The following CSMD1 variants were observed in gnomAD, a reference collection of about 807,000 sequenced individuals.
CSMD1 encodes the protein CUB and sushi domain-containing protein 1.
A neutral mutation model predicts 417.5 loss-of-function variants in CSMD1; 213 were observed. The ratio of observed to expected loss-of-function variants is 0.51; its 90% CI spans 0.46 to 0.57. CSMD1 has a LOEUF of 0.57. Among genes scored for constraint, CSMD1 ranks in the 20% least tolerant of loss-of-function variants. CSMD1 has a pLI of 0.00. For missense variants in CSMD1, 6,923 were observed against 4,529.7 expected (o/e 1.53, Z -15.17); for synonymous variants, 2,862 against 1,736.8 (o/e 1.65, Z -16.11).
At chr8:4,325,094 C>G (rs778947838) in intron 3 of CSMD1, among the ~76,000 whole-genome samples, 2 of 152,146 alleles carry the variant, frequency 1.3e-5, no homozygotes, top group South Asian at 2.1e-4. Flanking sequence ...AATCAGACAT[C>G]AGTAACCCAC....
intron 23 of CSMD1, among the ~76,000 whole-genome samples, chr8:3,330,851 T>G (rs1015835006): frequency 6.6e-6 from 1 of 152,248 alleles, no homozygotes; most frequent in Non-Finnish European, 1.5e-5. Context: ...TAGGATACTA[T>G]AGCAAAACTG....
At chr8:3,152,735 C>G (rs1048341195) in intron 39 of CSMD1, among the ~76,000 whole-genome samples, 18 of 152,170 alleles carry the variant, frequency 1.2e-4, no homozygotes, top group African/African-American at 4.3e-4. Context: ...AACTGTGTTG[C>G]TATTTAAAGT....
At chr8:4,940,221 G>A (rs1271392250) in intron 1 of CSMD1, among the ~76,000 whole-genome samples, 1 of 152,152 alleles carries the variant, frequency 6.6e-6, no homozygotes. Context: ...CCTAGTCAAA[G>A]CGTATTTGAG....
intron 5 of CSMD1, among the ~76,000 whole-genome samples, chr8:3,899,438 C>T (rs536644153): frequency 5.9e-5 from 9 of 152,150 alleles, no homozygotes; most frequent in Non-Finnish European, 7.4e-5. Flanking sequence ...AGGGATTGTA[C>T]GTGGGGAGAT....
intron 52 of CSMD1, among the ~76,000 whole-genome samples, chr8:3,002,020 G>C (rs1055201757): frequency 1.3e-5 from 2 of 152,192 alleles, no homozygotes; most frequent in African/African-American, 2.4e-5. Context: ...AGACAGAAGA[G>C]AATCTGATCT....
intron 3 of CSMD1, among the ~76,000 whole-genome samples, chr8:4,334,680 G>T (rs1800067383): frequency 6.6e-6 from 1 of 152,052 alleles, no homozygotes; most frequent in Non-Finnish European, 1.5e-5. Context: ...AATCCTCAAA[G>T]CCTATACTGC....
chr8:3,462,437 C>T (rs1816564035), intron 12 of CSMD1, among the ~76,000 whole-genome samples: 2 of 152,168 alleles, frequency 1.3e-5, no homozygotes, highest in South Asian at 4.1e-4. Flanking sequence ...AGCTCTGCCT[C>T]CCAGCAGATC....
chr8:4,745,632 A>G (rs1040533460), intron 1 of CSMD1, among the ~76,000 whole-genome samples: 1 of 152,204 alleles, frequency 6.6e-6, no homozygotes, highest in Non-Finnish European at 1.5e-5. Context: ...GTAGAGAGAG[A>G]GTAGAGAGAA....
intron 1 of CSMD1, among the ~76,000 whole-genome samples, chr8:4,815,683 C>A (rs1264946300): frequency 8.6e-5 from 6 of 70,056 alleles, no homozygotes; most frequent in Middle Eastern, 0.014. Flanking sequence ...GCAACAAGAC[C>A]AAAGCTGTCT....
chr8:3,405,551 G>A (rs1351224103), intron 15 of CSMD1, among the ~76,000 whole-genome samples: 2 of 152,208 alleles, frequency 1.3e-5, no homozygotes, highest in Non-Finnish European at 2.9e-5. Context: ...CTCAGATGGT[G>A]ACTGTATTTG....
At chr8:4,123,136 G>C (rs1021246696) in intron 3 of CSMD1, among the ~76,000 whole-genome samples, 1 of 152,234 alleles carries the variant, frequency 6.6e-6, no homozygotes, top group African/African-American at 2.4e-5. Flanking sequence ...ATAGGAAGAT[G>C]AAGAATATTT....
chr8:3,337,453 G>A (rs769488590), intron 23 of CSMD1, among the ~76,000 whole-genome samples: 35 of 152,060 alleles, frequency 2.3e-4, no homozygotes, highest in African/African-American at 2.9e-4. Flanking sequence ...TTAAGCTTGC[G>A]TTTATTTTGA....
intron 2 of CSMD1, among the ~76,000 whole-genome samples, chr8:4,618,255 G>A (rs1161392260): frequency 6.6e-6 from 1 of 151,652 alleles, no homozygotes; most frequent in African/African-American, 2.4e-5. Flanking sequence ...TCATAAATGT[G>A]CTTCAATGGC....
intron 3 of CSMD1, among the ~76,000 whole-genome samples, chr8:4,369,367 G>A (rs900637368): frequency 6.6e-6 from 1 of 152,030 alleles, no homozygotes; most frequent in Admixed American, 6.6e-5. Flanking sequence ...CCAAGCATGT[G>A]GTTGATCTTA....
At chr8:4,745,227 T>A (rs1289637508) in intron 1 of CSMD1, among the ~76,000 whole-genome samples, 2 of 152,166 alleles carry the variant, frequency 1.3e-5, no homozygotes, top group Non-Finnish European at 2.9e-5. Context: ...TATCCAGTTG[T>A]CTCAGCAGTT....
chr8:3,525,494 A>G (rs1160400725), intron 10 of CSMD1, among the ~76,000 whole-genome samples: 15 of 152,222 alleles, frequency 9.9e-5, no homozygotes, highest in Admixed American at 9.8e-4. Context: ...CCTCCGTGAT[A>G]AGAAACGCAG....
rs1797442188 is a variant in CSMD1, at chr8:4,424,654, A to T, written c.303-4589T>A. Among the ~76,000 whole-genome samples the T allele has an allele frequency of 2.6e-5, 4 of 152,122 alleles. 1 individual carries two copies. The South Asian group carries it at 8.3e-4, about 32-fold the overall frequency. On this transcript the variant is annotated intron_variant, in intron 2 of 69. Coordinates refer to ENST00000635120, the MANE Select transcript of CSMD1 (RefSeq NM_033225.6). ...GTAGAAAACAGAAAACTTCCGAAGA[A>T]GTTTGACATTTCCTTTAAAAACGAA...
chr8:4,912,122 C>CAAAAAA (rs36194482), intron 1 of CSMD1, among the ~76,000 whole-genome samples: 14 of 84,554 alleles, frequency 1.7e-4, no homozygotes, highest in South Asian at 4.3e-4. Context: ...AACATAGCTT[C>CAAAAAA]AAAAAAAAAA....
intron 3 of CSMD1, among the ~76,000 whole-genome samples, chr8:4,146,836 T>A (rs1048420023): frequency 6.7e-6 from 1 of 149,736 alleles, no homozygotes; most frequent in Non-Finnish European, 1.5e-5. Flanking sequence ...AGTCTCGATC[T>A]CCTGACCTCG....
Sources: allele counts gnomAD v4.1 joint callset (sites outside exome capture counted in the v4.1 genomes callset), GRCh38; gene constraint gnomAD v4.1.1; transcripts MANE v1.5; gene names NCBI Gene and HGNC (gene_info 2026-07-23, HGNC 2026-07-21).